Variants in SLC9A9 observed in about 807,000 individuals in gnomAD.
The protein encoded by SLC9A9 is solute carrier family 9 member A9.
A neutral mutation model predicts 77.8 loss-of-function variants in SLC9A9; 62 were observed. The ratio of observed to expected loss-of-function variants is 0.80; its 90% CI spans 0.65 to 0.98. SLC9A9 has a LOEUF of 0.98. Among genes scored for constraint, SLC9A9 ranks in the 50% least tolerant of loss-of-function variants. The pLI is 0.00. For synonymous variants in SLC9A9, 320 were observed against 283.5 expected, an observed-to-expected ratio of 1.13 and a Z score of -1.29; for missense variants, 775 against 774.9, an observed-to-expected ratio of 1.00 and a Z score of 0.00.
At chr3:143,702,923 G>A (rs1933846674) in intron 4 of SLC9A9, among the ~76,000 whole-genome samples, 1 of 151,966 alleles carries the variant, frequency 6.6e-6, no homozygotes. Flanking sequence ...AGCAAAAGTA[G>A]CTATACTTAT....
In SLC9A9 at chr3:143,653,939, C is replaced by T. The variant is rs143770478; in HGVS notation, c.650-1579G>A. 4.0e-4 allele frequency among the ~76,000 whole-genome samples: 61 copies of T among 152,144 alleles called. 1 individual carries two copies. In the East Asian group the frequency reaches 0.011, roughly 28 times the overall value. ...ACATAGTAAGCCTTTAATGAGTGAA[C>T]GAATAAGAGAGAACATCAAGGAAGA... On this transcript the variant is annotated intron_variant, in intron 5 of 15. Coordinates refer to ENST00000316549, the MANE Select transcript of SLC9A9 (RefSeq NM_173653.4).
At chr3:143,573,226 A>G (rs1400697972) in intron 8 of SLC9A9, among the ~76,000 whole-genome samples, 1 of 152,084 alleles carries the variant, frequency 6.6e-6, no homozygotes, top group African/African-American at 2.4e-5. Flanking sequence ...AAATGCAAAC[A>G]CCGAGGGAGG....
intron 5 of SLC9A9, among the ~76,000 whole-genome samples, chr3:143,654,167 G>T (rs1292155319): frequency 6.6e-6 from 1 of 152,102 alleles, no homozygotes; most frequent in East Asian, 1.9e-4. Context: ...AAGCATGCGA[G>T]GTAATACATA....
rs145881264 is a variant in SLC9A9 at position 143,424,529 on chromosome 3, C to A, written c.1470-42415G>T. On this transcript the variant is annotated intron_variant, in intron 12 of 15. Coordinates refer to ENST00000316549, the MANE Select transcript of SLC9A9 (RefSeq NM_173653.4). ...CCTGACCTCATGATCCACCTGCCTC[C>A]GCCTCCCCAAGTGCTGGGTCTCAAT... is the stretch of plus-strand genomic sequence containing the variant. Among the ~76,000 whole-genome samples, 2 of 151,518 alleles carry A rather than the reference C, an allele frequency of 1.3e-5. 1 individual carries two copies. Among genetic ancestry groups the A allele is most frequent in the South Asian group, 4.2e-4 (2 of 4,784 alleles).
At chr3:143,699,858 T>C (rs1933745283) in intron 4 of SLC9A9, among the ~76,000 whole-genome samples, 1 of 151,976 alleles carries the variant, frequency 6.6e-6, no homozygotes, top group Non-Finnish European at 1.5e-5. Context: ...TCAGCGTGGC[T>C]AATGCGGTGC....
chr3:143,805,435 C>T (rs1559806461), intron 2 of SLC9A9, among the ~76,000 whole-genome samples: 1 of 152,114 alleles, frequency 6.6e-6, no homozygotes, highest in Non-Finnish European at 1.5e-5. Flanking sequence ...CACTTCAATA[C>T]TATTTTATGT....
At chr3:143,533,957 T>C (rs1351983943) in intron 9 of SLC9A9, among the ~76,000 whole-genome samples, 2 of 152,226 alleles carry the variant, frequency 1.3e-5, no homozygotes, top group African/African-American at 4.8e-5. Flanking sequence ...ATCTTGCAAG[T>C]TGGAATAATT....
chr3:143,841,365 GGTT>G (rs1435313601), intron 1 of SLC9A9, among the ~76,000 whole-genome samples: 2 of 152,152 alleles, frequency 1.3e-5, no homozygotes, highest in African/African-American at 4.8e-5. Flanking sequence ...CCTAAAAAAT[GGTT>G]GTTGTGAGGA....
intron 5 of SLC9A9, among the ~76,000 whole-genome samples, chr3:143,653,139 C>T (rs1371465281): frequency 2.0e-5 from 3 of 152,164 alleles, no homozygotes; most frequent in African/African-American, 7.2e-5. Context: ...TCATTCTGTC[C>T]TGAGATCACA....
intron 2 of SLC9A9, among the ~76,000 whole-genome samples, chr3:143,830,553 C>T (rs2009409186): frequency 6.6e-6 from 1 of 152,234 alleles, no homozygotes; most frequent in South Asian, 2.1e-4. Flanking sequence ...AATATAATTG[C>T]TACAGCAACA....
At chr3:143,361,984 C>T (rs61033065) in intron 14 of SLC9A9, among the ~76,000 whole-genome samples, 5,821 of 152,222 alleles carry the variant, frequency 0.038, 187 homozygotes, top group East Asian at 0.18. Flanking sequence ...TGTGTTTACT[C>T]TTTAGTCAAA....
intron 6 of SLC9A9, 35 bp from the exon 7 acceptor site, chr3:143,578,758 CT>C: frequency 6.2e-7 from 1 of 1,613,216 alleles, no homozygotes; most frequent in Non-Finnish European, 8.5e-7. Context: ...TAGTTAGTGA[CT>C]TTCATCTCAT....
At chr3:143,702,181 C>A in intron 4 of SLC9A9, among the ~76,000 whole-genome samples, 1 of 152,150 alleles carries the variant, frequency 6.6e-6, no homozygotes, top group East Asian at 1.9e-4. Flanking sequence ...GTTCTTTAAC[C>A]TTAGAGAAAA....
At chr3:143,405,253 T>C (rs749890856) in intron 12 of SLC9A9, among the ~76,000 whole-genome samples, 1 of 152,174 alleles carries the variant, frequency 6.6e-6, no homozygotes, top group Non-Finnish European at 1.5e-5. Flanking sequence ...TCTATTCATT[T>C]CAAAAAAACC....
intron 9 of SLC9A9, among the ~76,000 whole-genome samples, chr3:143,551,247 A>G (rs1199138290): frequency 6.6e-6 from 1 of 152,218 alleles, no homozygotes; most frequent in Non-Finnish European, 1.5e-5. Flanking sequence ...AAAAGGAGCT[A>G]TCCTGCCAAT....
At position 143,540,082 on chromosome 3, in the gene SLC9A9, G is replaced by A. The variant is rs116522246; in HGVS notation, c.1089+12280C>T. Among the ~76,000 whole-genome samples the A allele has an allele frequency of 2.1e-3, 321 of 152,186 alleles. 2 individuals are homozygous for A. The highest frequency in any genetic ancestry group is 7.2e-3 in the African/African-American group (297 of 41,534). Reference sequence around the variant, plus strand: ...AGAAAAATTAAGGGAAGATTTTGGAGACTTGTTAGTAAGACATTTAAAGGT... The same window carrying A: ...AGAAAAATTAAGGGAAGATTTTGGAAACTTGTTAGTAAGACATTTAAAGGT... On this transcript the variant is annotated intron_variant, in intron 9 of 15. Coordinates refer to ENST00000316549, the MANE Select transcript of SLC9A9 (RefSeq NM_173653.4).
chr3:143,595,916 T>C (rs2037743850), intron 6 of SLC9A9, among the ~76,000 whole-genome samples: 2 of 152,154 alleles, frequency 1.3e-5, no homozygotes, highest in African/African-American at 4.8e-5. Flanking sequence ...GATTCTAATA[T>C]GCTGCTTTGT....
chr3:143,287,954 A>C (rs1007721583), intron 14 of SLC9A9, among the ~76,000 whole-genome samples: 2 of 152,200 alleles, frequency 1.3e-5, no homozygotes, highest in Non-Finnish European at 2.9e-5. Flanking sequence ...TCTGTAGAGA[A>C]AAAAAGTCTT....
rs6787778 is a variant in SLC9A9 at position 143,845,073 on chromosome 3, C to A, written c.175+3075G>T. 5.2e-3 allele frequency among the ~76,000 whole-genome samples: 790 copies of A among 152,128 alleles called. 5 individuals carry two copies. Among genetic ancestry groups the A allele is most frequent in the African/African-American group, 0.018 (727 of 41,514 alleles). ...CATATGAGGATGCATCTAGATCCCA[C>A]AGACACATCCTTTCTCCAGGAAAAT... On this transcript the variant is annotated intron_variant, in intron 1 of 15. Transcript: ENST00000316549.
Sources: gnomAD v4.1 joint callset for allele counts (sites outside exome capture counted in the v4.1 genomes callset) on GRCh38, gnomAD v4.1.1 for gene constraint, MANE v1.5 for transcripts, NCBI Gene and HGNC (gene_info 2026-07-23, HGNC 2026-07-21) for gene names.